GHR: variants seen among roughly 807,000 people sequenced by gnomAD.
GHR encodes the protein GH receptor.
A neutral mutation model predicts 67.1 loss-of-function variants in GHR; 35 were observed. The ratio of observed to expected loss-of-function variants is 0.52; its 90% CI spans 0.40 to 0.69. The LOEUF is 0.69. GHR is among the 30% of genes least tolerant of loss of function. The pLI, the probability that GHR is intolerant of heterozygous loss-of-function variation, is 0.00. For synonymous variants in GHR, 272 were observed against 269.1 expected, an observed-to-expected ratio of 1.01 and a Z score of -0.10; for missense variants, 792 against 764.6, an observed-to-expected ratio of 1.04 and a Z score of -0.42.
intron 7 of GHR, among the ~76,000 whole-genome samples, chr5:42,711,635 G>A (rs35604733): frequency 0.032 from 4,861 of 152,108 alleles, 215 homozygotes; most frequent in South Asian, 0.18. Context: ...GGCAATCTCC[G>A]GATGGTAGAA....
intron 3 of GHR, among the ~76,000 whole-genome samples, chr5:42,632,172 T>C (rs1352457606): frequency 6.6e-6 from 1 of 152,184 alleles, no homozygotes; most frequent in African/African-American, 2.4e-5. Context: ...CCCCAGCTTG[T>C]AAGTTCAGGC....
At chr5:42,580,034 A>G (rs1023362981) in intron 2 of GHR, among the ~76,000 whole-genome samples, 2 of 152,162 alleles carry the variant, frequency 1.3e-5, no homozygotes, top group South Asian at 2.1e-4. Flanking sequence ...ATTATGAGAA[A>G]CAAACATACC....
chr5:42,629,804 A>G (rs1333454768), intron 3 of GHR, among the ~76,000 whole-genome samples: 1 of 131,982 alleles, frequency 7.6e-6, no homozygotes, highest in Non-Finnish European at 1.6e-5. Flanking sequence ...GCCTCTTTTT[A>G]TAAATTCTTT....
intron 6 of GHR, among the ~76,000 whole-genome samples, chr5:42,704,387 C>T (rs1187461510): frequency 6.6e-6 from 1 of 152,058 alleles, no homozygotes; most frequent in Non-Finnish European, 1.5e-5. Flanking sequence ...ACCATCCTTG[C>T]ATCCCTGGAA....
At chr5:42,522,485 C>T (rs1204997261) in intron 1 of GHR, among the ~76,000 whole-genome samples, 1 of 152,144 alleles carries the variant, frequency 6.6e-6, no homozygotes, top group Non-Finnish European at 1.5e-5. Context: ...ATATCAGCTA[C>T]AGTGATCAAC....
At chr5:42,577,167 T>A (rs977970839) in intron 2 of GHR, among the ~76,000 whole-genome samples, 10 of 152,228 alleles carry the variant, frequency 6.6e-5, no homozygotes, top group Admixed American at 2.6e-4. Context: ...TACATGGAAA[T>A]GTATGCCCAA....
At chr5:42,637,995 A>G (rs1308352660) in intron 3 of GHR, among the ~76,000 whole-genome samples, 1 of 152,176 alleles carries the variant, frequency 6.6e-6, no homozygotes, top group East Asian at 1.9e-4. Context: ...GCTGGAGTGC[A>G]GTGGTGCGAT....
intron 2 of GHR, among the ~76,000 whole-genome samples, chr5:42,579,959 T>C (rs1393661975): frequency 6.6e-6 from 1 of 152,076 alleles, no homozygotes; most frequent in African/African-American, 2.4e-5. Context: ...CAGGTGGGGA[T>C]CTATTGGTAT....
intron 3 of GHR, among the ~76,000 whole-genome samples, chr5:42,637,797 T>A (rs1754275509): frequency 6.6e-6 from 1 of 152,194 alleles, no homozygotes; most frequent in Non-Finnish European, 1.5e-5. Context: ...TAGAATGATT[T>A]ATTTTTCTTT....
At chr5:42,645,291 G>T (rs1024819847) in intron 3 of GHR, among the ~76,000 whole-genome samples, 1 of 152,180 alleles carries the variant, frequency 6.6e-6, no homozygotes, top group East Asian at 1.9e-4. Flanking sequence ...GTATTTGTTT[G>T]TGCACAGCTC....
At chr5:42,620,044 TGAGTGG>T (rs1417120151) in intron 2 of GHR, among the ~76,000 whole-genome samples, 1 of 152,108 alleles carries the variant, frequency 6.6e-6, no homozygotes, top group African/African-American at 2.4e-5. Context: ...CGGGTGACAG[TGAGTGG>T]AAGAAATTAA....
chr5:42,699,666 C>G (rs1373887737), intron 5 of GHR, among the ~76,000 whole-genome samples, 158 bp from the exon 6 acceptor site: 1 of 152,082 alleles, frequency 6.6e-6, no homozygotes, highest in African/African-American at 2.4e-5. Flanking sequence ...AAAAGTTACT[C>G]TCTTATAAAG....
intron 6 of GHR, among the ~76,000 whole-genome samples, chr5:42,710,601 T>A (rs1197637913): frequency 1.3e-5 from 2 of 152,100 alleles, no homozygotes; most frequent in East Asian, 1.9e-4. Flanking sequence ...AGATTTTAAA[T>A]AGCAAACTAT....
At chr5:42,620,883 A>G (rs963579917) in intron 2 of GHR, among the ~76,000 whole-genome samples, 1 of 152,172 alleles carries the variant, frequency 6.6e-6, no homozygotes, top group Non-Finnish European at 1.5e-5. Flanking sequence ...GGGAAGAGAT[A>G]GTCACTTCTG....
At chr5:42,480,771 C>T (rs1350131027) in intron 1 of GHR, among the ~76,000 whole-genome samples, 2 of 152,232 alleles carry the variant, frequency 1.3e-5, no homozygotes, top group East Asian at 3.9e-4. Flanking sequence ...TATTTTGAGC[C>T]TATGTGTGTC....
intron 3 of GHR, among the ~76,000 whole-genome samples, chr5:42,676,813 A>G (rs1756595332): frequency 6.6e-6 from 1 of 152,170 alleles, no homozygotes. Context: ...AGCTCTTCAA[A>G]CAAAATAGCA....
At chr5:42,522,214 G>A (rs1182341509) in intron 1 of GHR, among the ~76,000 whole-genome samples, 1 of 152,028 alleles carries the variant, frequency 6.6e-6, no homozygotes, top group African/African-American at 2.4e-5. Context: ...GCGTATAAAG[G>A]GTGGTATATG....
At chr5:42,586,838 A>G (rs1456246948) in intron 2 of GHR, among the ~76,000 whole-genome samples, 3 of 152,210 alleles carry the variant, frequency 2.0e-5, no homozygotes, top group Non-Finnish European at 4.4e-5. Context: ...TGCAGAATTT[A>G]GGACTAAAAA....
chr5:42,693,398 G>A (rs931186482), intron 4 of GHR, among the ~76,000 whole-genome samples: 10 of 151,840 alleles, frequency 6.6e-5, no homozygotes, highest in South Asian at 2.1e-4. Flanking sequence ...CTCAGCCTCC[G>A]AAAGTGCTGG....
Sources: allele counts gnomAD v4.1 joint callset (sites outside exome capture counted in the v4.1 genomes callset), GRCh38; gene constraint gnomAD v4.1.1; transcripts MANE v1.5; gene names NCBI Gene and HGNC (gene_info 2026-07-23, HGNC 2026-07-21).